CAPN5: variants seen among roughly 807,000 people sequenced by gnomAD.
The protein encoded by CAPN5 is calpain-5.
Under a neutral mutation model 73.0 loss-of-function variants are expected in CAPN5, and 54 were observed. The observed-to-expected ratio is 0.74, with a 90% CI of 0.59 to 0.93. The LOEUF is 0.93. CAPN5 is among the 40% of genes least tolerant of loss of function. The pLI is 0.00. For missense variants in CAPN5, 785 were observed against 882.9 expected (o/e 0.89, Z 1.41); for synonymous variants, 335 against 356.9 (o/e 0.94, Z 0.69).
At chr11:77,118,106 G>T in intron 7 of CAPN5, 51 bp from the exon 8 acceptor site, 4 of 1,537,774 alleles carry the variant, frequency 2.6e-6, no homozygotes, top group Non-Finnish European at 3.6e-6. Context: ...GGGGCCAAGA[G>T]CCTGGGGAGG....
intron 1 of CAPN5, among the ~76,000 whole-genome samples, chr11:77,077,140 T>G (rs1949979608): frequency 6.6e-6 from 1 of 152,194 alleles, no homozygotes; most frequent in Non-Finnish European, 1.5e-5. Flanking sequence ...GCGGATCACC[T>G]GAGGTCAGGA....
chr11:77,073,777 A>G (rs1949936993), intron 1 of CAPN5, among the ~76,000 whole-genome samples: 1 of 152,168 alleles, frequency 6.6e-6, no homozygotes. Context: ...GAGGAAATAG[A>G]CAGGATTTCC....
chr11:77,116,673 G>T (rs932991244), intron 7 of CAPN5, among the ~76,000 whole-genome samples: 27 of 152,210 alleles, frequency 1.8e-4, no homozygotes, highest in Non-Finnish European at 3.5e-4. Context: ...GTATGGTGTG[G>T]CCAGGGGCAC....
At chr11:77,074,506 C>T (rs1293424684) in intron 1 of CAPN5, among the ~76,000 whole-genome samples, 1 of 152,230 alleles carries the variant, frequency 6.6e-6, no homozygotes, top group Non-Finnish European at 1.5e-5. Flanking sequence ...ACCCCCAGCC[C>T]CCTCCTCATC....
intron 3 of CAPN5, among the ~76,000 whole-genome samples, chr11:77,106,479 G>C (rs1364838126): frequency 6.6e-6 from 1 of 152,084 alleles, no homozygotes. Flanking sequence ...CTTTCCCTGA[G>C]CTCTGTGCCC....
intron 3 of CAPN5, among the ~76,000 whole-genome samples, chr11:77,106,138 C>T (rs925607513): frequency 2.0e-5 from 3 of 152,152 alleles, no homozygotes; most frequent in African/African-American, 4.8e-5. Flanking sequence ...CTTCAAAATC[C>T]AACCCCACCA....
intron 3 of CAPN5, among the ~76,000 whole-genome samples, chr11:77,108,552 T>G (rs1473924826): frequency 6.6e-6 from 1 of 152,118 alleles, no homozygotes; most frequent in Admixed American, 6.5e-5. Context: ...ATGGGGAATT[T>G]CTACTGTAGA....
At chr11:77,117,912 C>T (rs1228940689) in intron 7 of CAPN5, among the ~76,000 whole-genome samples, 1 of 152,240 alleles carries the variant, frequency 6.6e-6, no homozygotes, top group Non-Finnish European at 1.5e-5. Context: ...CCTTCACTAG[C>T]TCTGAGATGG....
At chr11:77,121,631 C>T (rs1029588986) in intron 10 of CAPN5, among the ~76,000 whole-genome samples, 3 of 152,216 alleles carry the variant, frequency 2.0e-5, no homozygotes, top group Non-Finnish European at 1.5e-5. Flanking sequence ...ATAGCCTTTG[C>T]GGGGCTTTGC....
chr11:77,088,133 T>A, intron 2 of CAPN5: 2 of 1,460,284 alleles, frequency 1.4e-6, no homozygotes, highest in Non-Finnish European at 1.8e-6. Context: ...CACATCTGGG[T>A]ATGAGCCTGG....
chr11:77,125,651 A>G lies in CAPN5; in HGVS notation c.*1781A>G, dbSNP rs1555043756. The G allele has an allele frequency of 6.8e-6, 1 of 147,414 alleles. No homozygotes were observed. Among genetic ancestry groups the G allele is most frequent in the East Asian group, 2.0e-4 (1 of 5,006 alleles). The allele number at this position is 147,414 out of a possible 1,614,324, so 9.1% of individuals were successfully genotyped here. On this transcript the variant is annotated 3_prime_UTR_variant, in exon 13 of 13. Transcript: ENST00000648180. ...ATATATATATATATACATTCATGTA[A>G]TCACCACTTCTCGATGTCTATTTCA...
At chr11:77,098,073 G>C (rs1341911184) in intron 3 of CAPN5, among the ~76,000 whole-genome samples, 4 of 85,762 alleles carry the variant, frequency 4.7e-5, no homozygotes, top group Non-Finnish European at 8.9e-5. Context: ...CTCACCTCCC[G>C]GACGGGGCGG....
intron 1 of CAPN5, among the ~76,000 whole-genome samples, chr11:77,080,712 C>T (rs1555034490): frequency 6.6e-6 from 1 of 152,224 alleles, no homozygotes; most frequent in East Asian, 1.9e-4. Context: ...ATAGACTGAG[C>T]TTCCCTAAGG....
rs192431549 is a variant in CAPN5 at position 77,075,148 on chromosome 11, G to T, written c.-36+8054G>T. ...AGCCACACGCTGCACATGGCATCCC[G>T]GGGCCTCTGGCGGGATCCTCTGCAG... On this transcript the variant is annotated intron_variant, in intron 1 of 12. Coordinates refer to ENST00000648180, the MANE Select transcript of CAPN5 (RefSeq NM_004055.5). Among the ~76,000 whole-genome samples the T allele has an allele frequency of 2.2e-3, 338 of 152,194 alleles. 1 individual carries two copies. Among genetic ancestry groups the T allele is most frequent in the African/African-American group, 7.9e-3 (327 of 41,530 alleles).
Position 77,121,839 on chromosome 11 carries a change from G to C in CAPN5, c.1488-95G>C, listed in dbSNP as rs1398060884. On this transcript the variant is annotated intron_variant, in intron 10 of 12. Coordinates refer to ENST00000648180, the MANE Select transcript of CAPN5 (RefSeq NM_004055.5). ...TGAAATCAAGTTTGGGCTAAATACT[G>C]CTTCTCTTCCCTTCCCACTTCCTGA... 7.3e-5 allele frequency: 47 copies of C among 645,846 alleles called. 1 individual carries two copies. The Admixed American group carries it at 1.3e-3, about 18-fold the overall frequency. 40.0% of individuals were successfully genotyped at this position (645,846 alleles called of 1,614,324 possible).
chr11:77,080,874 G>C (rs147479146), intron 1 of CAPN5, among the ~76,000 whole-genome samples: 168 of 152,288 alleles, frequency 1.1e-3, no homozygotes, highest in Non-Finnish European at 1.8e-3. Context: ...GATGCAGTTG[G>C]GATGCAAACT....
chr11:77,095,937 G>A (rs1555037416), intron 3 of CAPN5, among the ~76,000 whole-genome samples: 1 of 152,228 alleles, frequency 6.6e-6, no homozygotes, highest in Non-Finnish European at 1.5e-5. Context: ...GGAGGCCAGG[G>A]CGGGTCTGGG....
At chr11:77,120,673 G>A (rs1555042592) in intron 9 of CAPN5, 40 bp from the exon 10 acceptor site, 2 of 1,468,738 alleles carry the variant, frequency 1.4e-6, no homozygotes, top group East Asian at 4.6e-5. Flanking sequence ...GTGTTGTAGG[G>A]TGTGTCTCCG....
chr11:77,121,826 T>G (rs925177981), intron 10 of CAPN5, 108 bp from the exon 11 acceptor site: 3 of 608,560 alleles, frequency 4.9e-6, no homozygotes, highest in African/African-American at 3.7e-5. Flanking sequence ...AAATCAAGTT[T>G]GGGCTAAATA....
Sources: allele counts gnomAD v4.1 joint callset (sites outside exome capture counted in the v4.1 genomes callset), GRCh38; gene constraint gnomAD v4.1.1; transcripts MANE v1.5; gene names NCBI Gene and HGNC (gene_info 2026-07-23, HGNC 2026-07-21).